PAPSS1: variants seen among roughly 807,000 people sequenced by gnomAD.
PAPSS1 encodes bifunctional 3'-phosphoadenosine 5'-phosphosulfate synthase 1.
A neutral mutation model predicts 72.0 loss-of-function variants in PAPSS1; 50 were observed. That is an observed-to-expected ratio of 0.69 (90% confidence interval 0.55 to 0.88). The LOEUF (loss-of-function observed/expected upper bound fraction) is 0.88, where lower values mean the gene tolerates loss of function less well. Among genes scored for constraint, PAPSS1 ranks in the 40% least tolerant of loss-of-function variants. The pLI is 0.00. For synonymous variants in PAPSS1, 261 were observed against 263.6 expected, an observed-to-expected ratio of 0.99 and a Z score of 0.09; for missense variants, 657 against 782.2, an observed-to-expected ratio of 0.84 and a Z score of 1.91.
At position 107,693,929 on chromosome 4, in the gene PAPSS1, T is replaced by A; in HGVS notation, c.253A>T (p.Thr85Ser). ...YLVCHGIPCY[T>S]LDGDNIRQGL... ...TGACGAATATTGTCACCATCCAGAGTGTAGCATGGAATACCATGACAAACC... is the reference window on the plus strand; with the variant it reads ...TGACGAATATTGTCACCATCCAGAGAGTAGCATGGAATACCATGACAAACC... The change falls in exon 3 of 12, where the codon ACT (threonine) becomes TCT (serine). Residue 85 changes from threonine to serine, a missense_variant. Physicochemically the swap from Thr to Ser is moderately conservative, Grantham distance 58 (BLOSUM62 1). Coordinates refer to ENST00000265174, the MANE Select transcript of PAPSS1 (RefSeq NM_005443.5). 6.2e-7 allele frequency: 1 copy of A among 1,613,802 alleles called. No individual in the cohort carries two copies. The highest frequency in any genetic ancestry group is 8.5e-7 in the Non-Finnish European group (1 of 1,179,836).
chr4:107,672,082 T>G (rs1047782535), intron 5 of PAPSS1, among the ~76,000 whole-genome samples: 4 of 150,510 alleles, frequency 2.7e-5, no homozygotes, highest in Admixed American at 2.6e-4. Flanking sequence ...GAGATGGAGG[T>G]GGGTGGTGCC....
At chr4:107,664,713 C>G (rs1337493062) in intron 5 of PAPSS1, among the ~76,000 whole-genome samples, 1 of 151,712 alleles carries the variant, frequency 6.6e-6, no homozygotes, top group Non-Finnish European at 1.5e-5. Context: ...TCCAAGGTAA[C>G]TAGTTTGAAC....
rs561417013 is a variant in PAPSS1, at chr4:107,706,180, A to G, written c.61-4895T>C. 7.9e-5 allele frequency among the ~76,000 whole-genome samples: 12 copies of G among 152,286 alleles called. No homozygotes were observed. The South Asian group carries it at 2.3e-3, about 29-fold the overall frequency. ...TTTTGATCTTCCTGTACTTATTTAT[A>G]CCTTTCCCCAGATTTGGAAAGTTTT... On this transcript the variant is annotated intron_variant, in intron 1 of 11. Transcript: ENST00000265174.
At chr4:107,615,876 T>C (rs1007823877) in intron 11 of PAPSS1, among the ~76,000 whole-genome samples, 1 of 152,156 alleles carries the variant, frequency 6.6e-6, no homozygotes, top group South Asian at 2.1e-4. Flanking sequence ...CTCTTTCCTC[T>C]ACATAAGGAC....
At chr4:107,686,059 C>A (rs1722776847) in intron 4 of PAPSS1, among the ~76,000 whole-genome samples, 1 of 152,156 alleles carries the variant, frequency 6.6e-6, no homozygotes, top group African/African-American at 2.4e-5. Context: ...TGGAACAGGA[C>A]AAGTCAAGGG....
chr4:107,663,869 A>T (rs2110325323), intron 5 of PAPSS1, among the ~76,000 whole-genome samples: 1 of 152,338 alleles, frequency 6.6e-6, no homozygotes, highest in Admixed American at 6.5e-5. Context: ...TTGAAAACTA[A>T]GGTATTAAGT....
intron 2 of PAPSS1, among the ~76,000 whole-genome samples, chr4:107,699,469 A>G (rs983574424): frequency 6.6e-6 from 1 of 152,180 alleles, no homozygotes; most frequent in Non-Finnish European, 1.5e-5. Flanking sequence ...TATAAAACAA[A>G]GCAGACACTG....
intron 5 of PAPSS1, among the ~76,000 whole-genome samples, chr4:107,663,215 C>T (rs3805343): frequency 0.37 from 56,565 of 151,708 alleles, 11,128 homozygotes; most frequent in South Asian, 0.54. Flanking sequence ...CAACGAGATA[C>T]AAAAAGCAAC....
chr4:107,685,424 G>A (rs1302434013), intron 4 of PAPSS1, among the ~76,000 whole-genome samples: 3 of 152,106 alleles, frequency 2.0e-5, no homozygotes, highest in Non-Finnish European at 4.4e-5. Flanking sequence ...GTAAGTAAAA[G>A]GTTTAGACTT....
chr4:107,655,005 C>G, intron 7 of PAPSS1, 105 bp from the exon 8 acceptor site: 1 of 760,588 alleles, frequency 1.3e-6, no homozygotes, highest in Admixed American at 2.7e-5. Context: ...TAATAAAAGG[C>G]TGTAGATCCA....
intron 9 of PAPSS1, among the ~76,000 whole-genome samples, chr4:107,647,694 C>G (rs879748428): frequency 2.0e-5 from 3 of 152,160 alleles, no homozygotes; most frequent in Non-Finnish European, 4.4e-5. Context: ...CATTTTTACA[C>G]AGCTATAATC....
chr4:107,720,149 CTT>C lies in PAPSS1; in HGVS notation c.29_30del (p.Lys10SerfsTer6). MEIPGSLCKKVKLSNNAQNW... is the reference protein window; with the variant it reads MEIPGSLCKXVKLSNNAQNW... ...TTCTGCGCGTTATTGCTCAGTTTGACTTTCTTGCACAGGCTCCCGGGGATCTC... is the reference window on the plus strand; with the variant it reads ...TTCTGCGCGTTATTGCTCAGTTTGACTCTTGCACAGGCTCCCGGGGATCTC... On this transcript the variant is annotated frameshift_variant, in exon 1 of 12. Coordinates refer to ENST00000265174, the MANE Select transcript of PAPSS1 (RefSeq NM_005443.5). LOFTEE classifies it high-confidence loss of function. The C allele has an allele frequency of 6.2e-7, 1 of 1,605,974 alleles. No individual in the cohort carries two copies.
chr4:107,718,943 G>A (rs1315769880), intron 1 of PAPSS1, among the ~76,000 whole-genome samples: 1 of 152,134 alleles, frequency 6.6e-6, no homozygotes, highest in Non-Finnish European at 1.5e-5. Flanking sequence ...ACTGAGGTTC[G>A]AAAAAGTAAA....
chr4:107,702,370 A>G (rs544053830), intron 1 of PAPSS1, among the ~76,000 whole-genome samples: 62 of 152,356 alleles, frequency 4.1e-4, no homozygotes, highest in Middle Eastern at 3.4e-3. Context: ...TTGTACATAC[A>G]TATGTCCACA....
In PAPSS1 at chr4:107,652,379, C is replaced by T. The variant is rs143782038; in HGVS notation, c.1237+1112G>A. On this transcript the variant is annotated intron_variant, in intron 9 of 11. Transcript: ENST00000265174. ...TGCAGGTATAGAAAGAGTATGGGTG[C>T]ACCAAGGTAAGCACATCATTTACCC... Among the ~76,000 whole-genome samples, 390 of 152,212 alleles carry T rather than the reference C, an allele frequency of 2.6e-3. 4 individuals are homozygous for T. The highest frequency in any genetic ancestry group is 9.1e-3 in the African/African-American group (376 of 41,542).
intron 9 of PAPSS1, among the ~76,000 whole-genome samples, chr4:107,650,335 C>T (rs1726806699): frequency 6.6e-6 from 1 of 152,136 alleles, no homozygotes; most frequent in Non-Finnish European, 1.5e-5. Context: ...TAATAACTGG[C>T]TCTCAGCTAC....
In PAPSS1 at chr4:107,675,881, T is replaced by C. The variant is rs185415024; in HGVS notation, c.669+6134A>G. On this transcript the variant is annotated intron_variant, in intron 5 of 11. Coordinates refer to ENST00000265174, the MANE Select transcript of PAPSS1 (RefSeq NM_005443.5). The stretch of plus-strand genomic sequence containing the variant: ...CCTGGGATGCAAGGCTGGTTCAACA[T>C]ACACAAATCAATAAACATAATCCAG... 3.1e-3 allele frequency among the ~76,000 whole-genome samples: 469 copies of C among 152,244 alleles called. 3 individuals carry two copies. The highest frequency in any genetic ancestry group is 0.011 in the African/African-American group (438 of 41,524).
chr4:107,701,061 T>C, intron 2 of PAPSS1, 110 bp downstream of exon 2: 1 of 542,908 alleles, frequency 1.8e-6, no homozygotes, highest in Non-Finnish European at 3.2e-6. Flanking sequence ...TATGTCGTGA[T>C]GCTCCAAATA....
chr4:107,674,052 A>T (rs199833202), intron 5 of PAPSS1, among the ~76,000 whole-genome samples: 27,506 of 152,174 alleles, frequency 0.18, 2,890 homozygotes, highest in East Asian at 0.37. Flanking sequence ...AGGAAGCAGT[A>T]AACATAGAAA....
Sources: allele counts gnomAD v4.1 joint callset (sites outside exome capture counted in the v4.1 genomes callset), GRCh38; gene constraint gnomAD v4.1.1; transcripts MANE v1.5; gene names NCBI Gene and HGNC (gene_info 2026-07-23, HGNC 2026-07-21).